Variants in TPD52 observed in about 807,000 individuals in gnomAD.
TPD52 encodes the protein tumor protein D52.
Under a neutral mutation model 31.3 loss-of-function variants are expected in TPD52, and 17 were observed. That is an observed-to-expected ratio of 0.54 (90% confidence interval 0.37 to 0.82). The LOEUF (loss-of-function observed/expected upper bound fraction) is 0.82, where lower values mean the gene tolerates loss of function less well. Ranked by LOEUF, TPD52 falls within the 40% of genes least tolerant of loss-of-function variation. The probability of loss-of-function intolerance (pLI) is 0.00; values close to 1 mark genes in which losing one functional copy is unlikely to be tolerated. For synonymous variants in TPD52, 83 were observed against 89.6 expected, an observed-to-expected ratio of 0.93 and a Z score of 0.42; for missense variants, 212 against 240.1, an observed-to-expected ratio of 0.88 and a Z score of 0.77.
At chr8:80,117,307 A>C (rs1463358089) in intron 1 of TPD52, among the ~76,000 whole-genome samples, 2 of 152,252 alleles carry the variant, frequency 1.3e-5, no homozygotes, top group Non-Finnish European at 2.9e-5. Context: ...TTGCAGGCTT[A>C]TAAGATCAAT....
chr8:80,104,575 A>AAC (rs1806969787), intron 1 of TPD52, among the ~76,000 whole-genome samples: 2 of 151,072 alleles, frequency 1.3e-5, no homozygotes. Context: ...AAAAAAAAAA[A>AAC]AACAACAACA....
chr8:80,150,469 T>C (rs1400714022), intron 1 of TPD52, among the ~76,000 whole-genome samples: 2 of 152,106 alleles, frequency 1.3e-5, no homozygotes, highest in Non-Finnish European at 2.9e-5. Context: ...GATCCCAAAA[T>C]GGCAGATCCA....
At chr8:80,067,769 C>T (rs1813320410) in intron 1 of TPD52, among the ~76,000 whole-genome samples, 1 of 151,350 alleles carries the variant, frequency 6.6e-6, no homozygotes, top group East Asian at 1.9e-4. Flanking sequence ...TAATAAGACC[C>T]TAAAAAGTGA....
At chr8:80,067,150 T>A (rs971746040) in intron 1 of TPD52, 1 of 152,328 alleles carries the variant, frequency 6.6e-6, no homozygotes. Context: ...GGATTCTGGT[T>A]CTATTCAAGT....
In TPD52 at chr8:80,035,162, T is replaced by G. The variant is rs1054817191; in HGVS notation, c.*2954A>C. On this transcript the variant is annotated 3_prime_UTR_variant, in exon 8 of 8. Coordinates refer to ENST00000518937, the MANE Select transcript of TPD52 (RefSeq NM_001025253.3). ...TTCTTCACTATGGGCAAAAATGTGATTTCTTCATCTGGGCTTTAAGAGCTA... is the reference window on the plus strand; with the variant it reads ...TTCTTCACTATGGGCAAAAATGTGAGTTCTTCATCTGGGCTTTAAGAGCTA... 6.6e-6 allele frequency: 1 copy of G among 152,204 alleles called. No individual in the cohort carries two copies. Among genetic ancestry groups the G allele is most frequent in the South Asian group, 2.1e-4 (1 of 4,814 alleles). 9.4% of individuals were successfully genotyped at this position (152,204 alleles called of 1,614,324 possible).
intron 2 of TPD52, among the ~76,000 whole-genome samples, chr8:80,055,601 T>C (rs1298870796): frequency 6.6e-6 from 1 of 152,086 alleles, no homozygotes; most frequent in Admixed American, 6.6e-5. Context: ...AGTGAAGAGA[T>C]AACCTGTAGA....
At chr8:80,102,547 C>T (rs376108673) in intron 1 of TPD52, among the ~76,000 whole-genome samples, 2 of 152,322 alleles carry the variant, frequency 1.3e-5, no homozygotes, top group African/African-American at 4.8e-5. Context: ...AGGCTGGCTA[C>T]AGAGGGTAGC....
intron 1 of TPD52, among the ~76,000 whole-genome samples, chr8:80,136,566 C>T (rs1045048913): frequency 1.4e-5 from 2 of 145,582 alleles, no homozygotes; most frequent in East Asian, 4.1e-4. Flanking sequence ...ACAGTGCTCA[C>T]CATTAGAACA....
chr8:80,051,817 G>A, intron 3 of TPD52, 189 bp from the exon 4 acceptor site: 1 of 531,486 alleles, frequency 1.9e-6, no homozygotes, highest in Non-Finnish European at 3.3e-6. Context: ...TCAACCCTAA[G>A]CTCAGGCACA....
chr8:80,111,055 CAT>C (rs890968445), intron 1 of TPD52, among the ~76,000 whole-genome samples: 15 of 152,008 alleles, frequency 9.9e-5, no homozygotes, highest in Middle Eastern at 3.4e-3. Context: ...AAAATAAAAA[CAT>C]AAAAATTAGC....
chr8:80,162,097 T>C (rs904165409), intron 1 of TPD52, among the ~76,000 whole-genome samples: 4 of 152,140 alleles, frequency 2.6e-5, no homozygotes, highest in African/African-American at 9.7e-5. Flanking sequence ...ACCATGATTA[T>C]GAGCCAAGGC....
At chr8:80,082,104 G>T (rs1041793732) in intron 1 of TPD52, among the ~76,000 whole-genome samples, 1 of 151,124 alleles carries the variant, frequency 6.6e-6, no homozygotes, top group African/African-American at 2.4e-5. Context: ...CACCGTGCCC[G>T]GACTATGGTA....
chr8:80,146,079 CT>C (rs1810173562), intron 1 of TPD52, among the ~76,000 whole-genome samples: 2 of 152,184 alleles, frequency 1.3e-5, no homozygotes, highest in Non-Finnish European at 2.9e-5. Context: ...CCCAACTCAC[CT>C]AACACACATC....
chr8:80,093,645 T>C (rs4740099), intron 1 of TPD52, among the ~76,000 whole-genome samples: 101,388 of 151,990 alleles, frequency 0.67, 35,186 homozygotes, highest in African/African-American at 0.87. Flanking sequence ...ATTTAGGCAG[T>C]TAAACTTGCT....
intron 6 of TPD52, 149 bp from the exon 7 acceptor site, chr8:80,042,817 A>G (rs986815971): frequency 3.4e-6 from 2 of 589,110 alleles, no homozygotes; most frequent in African/African-American, 3.8e-5. Flanking sequence ...AGGTACATAC[A>G]AGTATTTATA....
At position 80,037,861 on chromosome 8, in the gene TPD52, C is replaced by T. The variant is rs962139421; in HGVS notation, c.*255G>A. ...CTTCTTAGATCATTATAGTGAATGT[C>T]CCCATTTACTATAAGTGTTTTTATA... On this transcript the variant is annotated 3_prime_UTR_variant, in exon 8 of 8. Coordinates refer to ENST00000518937, the MANE Select transcript of TPD52 (RefSeq NM_001025253.3). The T allele has an allele frequency of 2.0e-5, 7 of 348,484 alleles. No individual in the cohort carries two copies. The highest frequency in any genetic ancestry group is 3.6e-5 in the Non-Finnish European group (7 of 193,530). 21.6% of individuals were successfully genotyped at this position (348,484 alleles called of 1,614,324 possible). A position where few individuals can be genotyped will look rare whatever the true frequency, so the allele number is the denominator to read the frequency against.
intron 1 of TPD52, among the ~76,000 whole-genome samples, chr8:80,168,708 C>A (rs4740123): frequency 6.6e-6 from 1 of 152,140 alleles, no homozygotes; most frequent in East Asian, 1.9e-4. Context: ...AGTTATCCTC[C>A]AAGCCCAGCA....
At chr8:80,090,691 C>T (rs1242022191) in intron 1 of TPD52, among the ~76,000 whole-genome samples, 1 of 150,504 alleles carries the variant, frequency 6.6e-6, no homozygotes, top group Admixed American at 6.6e-5. Context: ...ACTATTATAG[C>T]ACAGTATTAT....
intron 1 of TPD52, among the ~76,000 whole-genome samples, chr8:80,165,421 A>G (rs1393822755): frequency 6.6e-6 from 1 of 152,212 alleles, no homozygotes; most frequent in African/African-American, 2.4e-5. Context: ...ACAGCAAAAT[A>G]TCAGGGTGAA....
Sources: gnomAD v4.1 joint callset for allele counts (sites outside exome capture counted in the v4.1 genomes callset) on GRCh38, gnomAD v4.1.1 for gene constraint, MANE v1.5 for transcripts, NCBI Gene and HGNC (gene_info 2026-07-23, HGNC 2026-07-21) for gene names.